TF: variants seen among roughly 807,000 people sequenced by gnomAD.
TF encodes serotransferrin.
In TF, 55 loss-of-function variants were observed where a neutral mutation model predicts 82.4. The observed-to-expected ratio is 0.67, with a 90% CI of 0.54 to 0.84. The LOEUF is 0.84. TF is among the 40% of genes least tolerant of loss of function. The probability of loss-of-function intolerance (pLI) is 0.00; values close to 1 mark genes in which losing one functional copy is unlikely to be tolerated. For missense variants in TF, 737 were observed against 868.4 expected (o/e 0.85, Z 1.90); for synonymous variants, 332 against 332.6 (o/e 1.00, Z 0.02).
the TF span, among the ~76,000 whole-genome samples, chr3:133,675,072 C>T: frequency 6.6e-6 from 1 of 151,818 alleles, no homozygotes; most frequent in African/African-American, 2.4e-5. Flanking sequence ...TGATGAAACC[C>T]CGTCTCTACT....
the TF span, among the ~76,000 whole-genome samples, chr3:133,701,422 A>G: frequency 6.6e-6 from 1 of 152,114 alleles, no homozygotes. Context: ...CTGGATCTCT[A>G]TGGTTTATTT....
chr3:133,726,278 A>G, the TF span, among the ~76,000 whole-genome samples: 27 of 148,800 alleles, frequency 1.8e-4, no homozygotes, highest in Admixed American at 2.7e-4. Context: ...CTGTGAATCC[A>G]TCTGGTCCTG....
chr3:133,751,630 G>A (rs1156948806), intron 2 of TF, among the ~76,000 whole-genome samples: 1 of 152,204 alleles, frequency 6.6e-6, no homozygotes. Context: ...TCTGGAGATG[G>A]ATAGATGTGA....
chr3:133,733,537 G>GA, the TF span, among the ~76,000 whole-genome samples: 1 of 152,152 alleles, frequency 6.6e-6, no homozygotes, highest in Admixed American at 6.5e-5. Flanking sequence ...CTGTCAGCCT[G>GA]GGGGGTCAAG....
chr3:133,688,804 T>C, the TF span, among the ~76,000 whole-genome samples: 1 of 152,112 alleles, frequency 6.6e-6, no homozygotes, highest in Non-Finnish European at 1.5e-5. Context: ...TTTCAGATGG[T>C]GGAATGCCTA....
chr3:133,662,985 T>G, the TF span, among the ~76,000 whole-genome samples: 2 of 152,196 alleles, frequency 1.3e-5, no homozygotes, highest in Admixed American at 1.3e-4. Context: ...TTGGCCAAAC[T>G]TTAGTCAGAC....
rs79983333 is a variant in TF, at chr3:133,781,689, G to A, written c.*3069G>A. 6.6e-6 allele frequency: 1 copy of A among 152,106 alleles called. No individual in the cohort carries two copies. Among genetic ancestry groups the A allele is most frequent in the African/African-American group, 2.4e-5 (1 of 41,430 alleles). The allele number at this position is 152,106 out of a possible 1,614,324, so 9.4% of individuals were successfully genotyped here. A position where few individuals can be genotyped will look rare whatever the true frequency, so the allele number is the denominator to read the frequency against. On this transcript the variant is annotated 3_prime_UTR_variant, in exon 17 of 17. Transcript: ENST00000402696. ...AGACAGATAAGAAAAATTCTGATGA[G>A]AGTGGAAGAGCTCTTCCAGCTGTTA...
the TF span, among the ~76,000 whole-genome samples, chr3:133,730,727 T>C: frequency 2.0e-5 from 3 of 152,232 alleles, no homozygotes; most frequent in African/African-American, 7.2e-5. Flanking sequence ...GGAACTCTCA[T>C]TCTAGTAACA....
At chr3:133,753,097 A>T (rs1324884685) in intron 2 of TF, among the ~76,000 whole-genome samples, 1 of 152,226 alleles carries the variant, frequency 6.6e-6, no homozygotes, top group Non-Finnish European at 1.5e-5. Flanking sequence ...GGAAGACCTC[A>T]AAGGAAGTCT....
At chr3:133,778,371 C>T in intron 16 of TF, 1 of 474,918 alleles carries the variant, frequency 2.1e-6, no homozygotes, top group South Asian at 2.0e-5. Flanking sequence ...GCAGGAAAAT[C>T]ATGTTAACAG....
At chr3:133,776,977 A>G in intron 15 of TF, 72 bp from the exon 16 acceptor site, 3 of 1,402,224 alleles carry the variant, frequency 2.1e-6, no homozygotes, top group Non-Finnish European at 3.0e-6. Flanking sequence ...GAGCTTTCAG[A>G]CTCTTCTCAT....
the TF span, among the ~76,000 whole-genome samples, chr3:133,692,019 A>G: frequency 5.9e-5 from 9 of 152,308 alleles, no homozygotes; most frequent in African/African-American, 1.9e-4. Flanking sequence ...GGCGACTGCA[A>G]ACTTTGCACA....
At chr3:133,773,016 A>G (rs977310793) in intron 14 of TF, 3 of 152,144 alleles carry the variant, frequency 2.0e-5, no homozygotes, top group African/African-American at 7.2e-5. Context: ...GGTTTGCGGT[A>G]TGATTGAACC....
At position 133,756,727 on chromosome 3, in the gene TF, C is replaced by G. The variant is rs1933844862; in HGVS notation, c.692-104C>G. 2.1e-5 allele frequency: 30 copies of G among 1,452,670 alleles called. No individual in the cohort carries two copies. In the South Asian group the frequency reaches 2.9e-4, roughly 14 times the overall value. The allele number at this position is 1,452,670 out of a possible 1,614,324, so 90.0% of individuals were successfully genotyped here. ...GTTCTCTGGCCTTCAGTGCTCACTC[C>G]AGACCTCTCAGCTCATACTTTCTAT... is the stretch of plus-strand genomic sequence containing the variant. On this transcript the variant is annotated intron_variant, in intron 6 of 16. Transcript: ENST00000402696.
the TF span, among the ~76,000 whole-genome samples, chr3:133,691,030 A>G: frequency 6.6e-6 from 1 of 152,260 alleles, no homozygotes; most frequent in South Asian, 2.1e-4. Context: ...ATATGAATAT[A>G]TATTGTAAAA....
chr3:133,755,542 C>T, intron 5 of TF, 47 bp downstream of exon 5: 1 of 1,612,030 alleles, frequency 6.2e-7, no homozygotes, highest in Non-Finnish European at 8.5e-7. Flanking sequence ...TGCCAAATGT[C>T]CTCAGGGTGA....
the TF span, among the ~76,000 whole-genome samples, chr3:133,679,051 T>C: frequency 6.6e-6 from 1 of 152,092 alleles, no homozygotes; most frequent in Admixed American, 6.6e-5. Flanking sequence ...TTTTGTGTTT[T>C]TAGTAGAGAT....
the TF span, among the ~76,000 whole-genome samples, chr3:133,691,360 A>G: frequency 2.0e-5 from 3 of 152,184 alleles, no homozygotes; most frequent in Non-Finnish European, 4.4e-5. Context: ...TTGAACACCT[A>G]CCTGTGCTAG....
the TF span, among the ~76,000 whole-genome samples, chr3:133,665,866 C>T: frequency 1.1e-4 from 16 of 140,974 alleles, no homozygotes; most frequent in South Asian, 2.6e-3. Flanking sequence ...ACCCAGGAGG[C>T]GGAGGTTGTG....
Sources: allele counts gnomAD v4.1 joint callset (sites outside exome capture counted in the v4.1 genomes callset), GRCh38; gene constraint gnomAD v4.1.1; transcripts MANE v1.5; gene names NCBI Gene and HGNC (gene_info 2026-07-23, HGNC 2026-07-21).